Variants in ANTXR1 observed in about 807,000 individuals in gnomAD.
ANTXR1 encodes anthrax toxin receptor 1.
In ANTXR1, 19 loss-of-function variants were observed where a neutral mutation model predicts 78.1. The ratio of observed to expected loss-of-function variants is 0.24; its 90% confidence interval spans 0.17 to 0.36. ANTXR1 has a LOEUF of 0.36. Ranked by LOEUF, ANTXR1 falls within the 10% of genes least tolerant of loss-of-function variation. ANTXR1 has a pLI of 1.00. For synonymous variants in ANTXR1, 273 were observed against 260.5 expected (o/e 1.05, Z -0.46); for missense variants, 518 against 718.6 (o/e 0.72, Z 3.19).
intron 1 of ANTXR1, among the ~76,000 whole-genome samples, chr2:69,024,437 C>T (rs1671284874): frequency 6.6e-6 from 1 of 152,108 alleles, no homozygotes; most frequent in African/African-American, 2.4e-5. Context: ...CAAAGTCCAA[C>T]CCAAAGGAAT....
Position 69,013,384 on chromosome 2 carries a change from C to A in ANTXR1, c.-116C>A, listed in dbSNP as rs1490062320. ...TTGCTTCCGGGGAGTTGCGAGGGAGCGAGGGGGAATAAAGGACCCGCGAGG... is the reference window on the plus strand; with the variant it reads ...TTGCTTCCGGGGAGTTGCGAGGGAGAGAGGGGGAATAAAGGACCCGCGAGG... On this transcript the variant is annotated 5_prime_UTR_variant, in exon 1 of 18. Transcript: ENST00000303714. The surrounding 1 kb of genome is among the most constrained non-coding windows in gnomAD (Gnocchi z 5.0). The A allele has an allele frequency of 1.2e-5, 17 of 1,408,804 alleles. No individual in the cohort carries two copies. The highest frequency in any genetic ancestry group is 1.7e-5 in the Non-Finnish European group (17 of 1,025,074). The allele number at this position is 1,408,804 out of a possible 1,614,324, so 87.3% of individuals were successfully genotyped here.
At chr2:69,096,054 C>T (rs1033125974) in intron 9 of ANTXR1, among the ~76,000 whole-genome samples, 2 of 151,858 alleles carry the variant, frequency 1.3e-5, no homozygotes, top group Non-Finnish European at 2.9e-5. Flanking sequence ...ATCAGGAGAT[C>T]GAGACCATCC....
chr2:69,225,461 C>A (rs967513323), intron 17 of ANTXR1, among the ~76,000 whole-genome samples: 3 of 152,154 alleles, frequency 2.0e-5, no homozygotes, highest in Admixed American at 6.5e-5. Flanking sequence ...GCCTGGGCGA[C>A]AAAGTGAATT....
intron 17 of ANTXR1, among the ~76,000 whole-genome samples, chr2:69,229,405 C>T (rs569520513): frequency 6.6e-6 from 1 of 152,164 alleles, no homozygotes; most frequent in African/African-American, 2.4e-5. Flanking sequence ...ATATATGGAG[C>T]GGGATGATAT....
intron 17 of ANTXR1, among the ~76,000 whole-genome samples, chr2:69,231,685 G>A (rs1472469270): frequency 3.3e-5 from 5 of 152,162 alleles, no homozygotes; most frequent in African/African-American, 1.2e-4. Context: ...ATCACTGGAA[G>A]GTTGATTGGA....
intron 13 of ANTXR1, among the ~76,000 whole-genome samples, chr2:69,153,012 T>A (rs978030091): frequency 3.3e-5 from 5 of 152,074 alleles, no homozygotes; most frequent in African/African-American, 1.2e-4. Flanking sequence ...AACAAAGTAA[T>A]AGCCAAATAA....
At chr2:69,014,507 T>A (rs966802715) in intron 1 of ANTXR1, among the ~76,000 whole-genome samples, 3 of 152,196 alleles carry the variant, frequency 2.0e-5, no homozygotes, top group Admixed American at 6.5e-5. Flanking sequence ...GCTTTAGGAT[T>A]TGCTCAAGGG....
chr2:69,164,607 G>A (rs1417657365), intron 13 of ANTXR1, among the ~76,000 whole-genome samples: 1 of 152,220 alleles, frequency 6.6e-6, no homozygotes, highest in African/African-American at 2.4e-5. Context: ...TAACAGTGCA[G>A]ACAGAGAGAG....
intron 8 of ANTXR1, among the ~76,000 whole-genome samples, chr2:69,090,022 C>T (rs1004692905): frequency 3.9e-5 from 6 of 152,180 alleles, no homozygotes; most frequent in East Asian, 1.9e-4. Context: ...AGTCACAGTG[C>T]TCTGCTGACT....
At chr2:69,122,542 T>C (rs1672382006) in intron 10 of ANTXR1, among the ~76,000 whole-genome samples, 1 of 152,212 alleles carries the variant, frequency 6.6e-6, no homozygotes, top group African/African-American at 2.4e-5. Context: ...GCAGGAGCAC[T>C]TGAGTTCACT....
chr2:69,090,972 T>G, intron 9 of ANTXR1, 53 bp downstream of exon 9: 1 of 1,573,626 alleles, frequency 6.4e-7, no homozygotes, highest in Non-Finnish European at 8.7e-7. Flanking sequence ...ATATTTTGAG[T>G]TCAAGTCACG....
chr2:69,175,222 T>G (rs1204303598), intron 14 of ANTXR1, among the ~76,000 whole-genome samples: 1 of 152,238 alleles, frequency 6.6e-6, no homozygotes, highest in Admixed American at 6.5e-5. Context: ...GGCCCTAGTG[T>G]GTAGCTATTC....
chr2:69,221,520 AGGC>A (rs1675318571), intron 17 of ANTXR1, among the ~76,000 whole-genome samples: 1 of 152,170 alleles, frequency 6.6e-6, no homozygotes, highest in Non-Finnish European at 1.5e-5. Context: ...ACCATTTAGG[AGGC>A]TACTGTAATG....
intron 13 of ANTXR1, among the ~76,000 whole-genome samples, chr2:69,161,198 A>G (rs1265814773): frequency 6.6e-6 from 1 of 152,186 alleles, no homozygotes; most frequent in Non-Finnish European, 1.5e-5. Context: ...TGACACTGGC[A>G]TACCATCTGA....
chr2:69,137,733 A>C (rs6705591), intron 12 of ANTXR1, among the ~76,000 whole-genome samples: 2 of 148,142 alleles, frequency 1.4e-5, no homozygotes, highest in Admixed American at 1.3e-4. Context: ...AGTCTGCAGT[A>C]GGTCATGATT....
At chr2:69,094,575 G>A (rs1671339389) in intron 9 of ANTXR1, among the ~76,000 whole-genome samples, 1 of 151,986 alleles carries the variant, frequency 6.6e-6, no homozygotes, top group Non-Finnish European at 1.5e-5. Context: ...TCTTTTCCTT[G>A]GCCCCTAGAA....
At chr2:69,044,311 T>C (rs909057939) in intron 2 of ANTXR1, among the ~76,000 whole-genome samples, 1 of 152,148 alleles carries the variant, frequency 6.6e-6, no homozygotes, top group Non-Finnish European at 1.5e-5. Context: ...TGTTAATAGC[T>C]GATGGCATCA....
At chr2:69,063,451 AT>A (rs1398593322) in intron 3 of ANTXR1, among the ~76,000 whole-genome samples, 1 of 152,186 alleles carries the variant, frequency 6.6e-6, no homozygotes, top group Non-Finnish European at 1.5e-5. Flanking sequence ...AGAATTAGAC[AT>A]TTTCAGAAGG....
intron 11 of ANTXR1, among the ~76,000 whole-genome samples, chr2:69,123,733 A>G (rs1342968472): frequency 6.6e-6 from 1 of 152,238 alleles, no homozygotes; most frequent in African/African-American, 2.4e-5. Flanking sequence ...GATCAAAACC[A>G]TCAACAGAAG....
Sources: gnomAD v4.1 joint callset for allele counts (sites outside exome capture counted in the v4.1 genomes callset) on GRCh38, gnomAD v4.1.1 for gene constraint, Gnocchi (gnomAD v3.1) non-coding constraint, MANE v1.5 for transcripts, NCBI Gene and HGNC (gene_info 2026-07-23, HGNC 2026-07-21) for gene names.